Variants in ELAVL2 observed in about 807,000 individuals in gnomAD.
ELAVL2 encodes the protein ELAV like RNA binding protein 2, also known as ELAV-like protein 2.
A neutral mutation model predicts 34.6 loss-of-function variants in ELAVL2; 4 were observed. The observed-to-expected ratio is 0.12, with a 90% CI of 0.06 to 0.26. The LOEUF (loss-of-function observed/expected upper bound fraction) is 0.26, where lower values mean the gene tolerates loss of function less well. Among genes scored for constraint, ELAVL2 ranks in the 10% least tolerant of loss-of-function variants. The pLI is 1.00. For synonymous variants in ELAVL2, 193 were observed against 154.8 expected, an observed-to-expected ratio of 1.25 and a Z score of -1.83; for missense variants, 432 against 442.8, an observed-to-expected ratio of 0.98 and a Z score of 0.22.
At chr9:23,828,134 A>T (rs1276015327), upstream of ELAVL2, among the ~76,000 whole-genome samples, 1 of 152,176 alleles carries the variant, frequency 6.6e-6, no homozygotes, top group Non-Finnish European at 1.5e-5. Flanking sequence ...GAATAACAGA[A>T]GATTGGGTTT....
chr9:23,705,857 C>A (rs1481470048), intron 3 of ELAVL2, among the ~76,000 whole-genome samples: 1 of 152,128 alleles, frequency 6.6e-6, no homozygotes, highest in African/African-American at 2.4e-5. Context: ...GTTGGGAACA[C>A]CTGCTCTAGA....
chr9:23,703,415 A>C (rs1038067428), intron 4 of ELAVL2, among the ~76,000 whole-genome samples: 9 of 152,232 alleles, frequency 5.9e-5, no homozygotes, highest in Non-Finnish European at 4.4e-5. Flanking sequence ...TATAAGTATT[A>C]TGAATTAACT....
intron 1 of ELAVL2, among the ~76,000 whole-genome samples, chr9:23,802,617 C>T (rs1361530248): frequency 6.6e-6 from 1 of 152,208 alleles, no homozygotes. Context: ...CAGTGGTTCT[C>T]AAAGCATAGC....
chr9:23,716,920 T>C (rs760529647), intron 3 of ELAVL2, among the ~76,000 whole-genome samples: 2 of 151,990 alleles, frequency 1.3e-5, no homozygotes, highest in Non-Finnish European at 2.9e-5. Flanking sequence ...GAGGGCAGAG[T>C]CTAGAGACCT....
chr9:23,762,424 A>G lies in ELAVL2; in HGVS notation c.-15-175T>C, dbSNP rs574312338. Among the ~76,000 whole-genome samples the G allele has an allele frequency of 1.5e-3, 224 of 152,218 alleles. 1 individual carries two copies. Among genetic ancestry groups the G allele is most frequent in the African/African-American group, 5.2e-3 (218 of 41,546 alleles). On this transcript the variant is annotated intron_variant, in intron 1 of 6. Coordinates refer to ENST00000397312, the MANE Select transcript of ELAVL2 (RefSeq NM_004432.5). ...ATTTTCACTTCATATTAACCTATTC[A>G]TCTTAAGGTTACAACTATATTTTCA...
intron 3 of ELAVL2, among the ~76,000 whole-genome samples, chr9:23,725,374 C>T (rs1264885199): frequency 6.6e-6 from 1 of 152,292 alleles, no homozygotes; most frequent in East Asian, 1.9e-4. Flanking sequence ...TTTAAAACTT[C>T]CATGCCCTAC....
intron 2 of ELAVL2, among the ~76,000 whole-genome samples, chr9:23,747,987 C>T (rs962497804): frequency 1.3e-5 from 2 of 152,130 alleles, no homozygotes; most frequent in African/African-American, 4.8e-5. Context: ...AAATAGGCCA[C>T]AAACCACCTG....
chr9:23,773,289 CT>C (rs2057633938), intron 1 of ELAVL2, among the ~76,000 whole-genome samples: 1 of 152,302 alleles, frequency 6.6e-6, no homozygotes, highest in East Asian at 1.9e-4. Flanking sequence ...ACCTTATCCA[CT>C]TATATCCACA....
At chr9:23,813,480 T>A (rs2063298729) in intron 1 of ELAVL2, among the ~76,000 whole-genome samples, 1 of 149,770 alleles carries the variant, frequency 6.7e-6, no homozygotes. Context: ...ACATCAGCAA[T>A]GAGGTTAGCA....
At chr9:23,755,726 T>C (rs2053393950) in intron 2 of ELAVL2, among the ~76,000 whole-genome samples, 1 of 152,148 alleles carries the variant, frequency 6.6e-6, no homozygotes, top group African/African-American at 2.4e-5. Context: ...TCTCCTTTCC[T>C]ACAGACCTAA....
chr9:23,698,268 T>C (rs887033659), intron 5 of ELAVL2, among the ~76,000 whole-genome samples: 2 of 152,164 alleles, frequency 1.3e-5, no homozygotes, highest in African/African-American at 4.8e-5. Flanking sequence ...AATTACACCA[T>C]CCATCCAAAT....
chr9:23,710,873 C>T (rs1402086557), intron 3 of ELAVL2, among the ~76,000 whole-genome samples: 1 of 152,038 alleles, frequency 6.6e-6, no homozygotes, highest in African/African-American at 2.4e-5. Context: ...TACATCGGAC[C>T]TTCCAAAATG....
intron 1 of ELAVL2, chr9:23,765,032 A>G (rs1281533345): frequency 6.2e-7 from 1 of 1,609,496 alleles, no homozygotes; most frequent in South Asian, 1.1e-5. Context: ...TCTGCTGCCC[A>G]CGAACCACTT....
intron 1 of ELAVL2, among the ~76,000 whole-genome samples, chr9:23,766,483 C>A (rs2056281959): frequency 6.6e-6 from 1 of 152,098 alleles, no homozygotes; most frequent in African/African-American, 2.4e-5. Context: ...TTGCTCACTA[C>A]ATAAAACAGA....
At chr9:23,727,482 T>C (rs1443728696) in intron 3 of ELAVL2, among the ~76,000 whole-genome samples, 1 of 152,116 alleles carries the variant, frequency 6.6e-6, no homozygotes, top group African/African-American at 2.4e-5. Flanking sequence ...GGTAAAATGC[T>C]AGAAGACAAA....
At chr9:23,774,593 T>G (rs1240608321) in intron 1 of ELAVL2, among the ~76,000 whole-genome samples, 1 of 152,154 alleles carries the variant, frequency 6.6e-6, no homozygotes, top group Non-Finnish European at 1.5e-5. Context: ...GTACTTCACA[T>G]TAGAATTACA....
chr9:23,768,859 C>G (rs956198415), intron 1 of ELAVL2, among the ~76,000 whole-genome samples: 1 of 152,118 alleles, frequency 6.6e-6, no homozygotes, highest in Non-Finnish European at 1.5e-5. Flanking sequence ...CATTTAGAAG[C>G]ACATCATGAT....
chr9:23,816,424 T>C (rs917473050), intron 1 of ELAVL2, among the ~76,000 whole-genome samples: 17 of 149,084 alleles, frequency 1.1e-4, no homozygotes, highest in African/African-American at 3.9e-4. Flanking sequence ...CCTATTAACA[T>C]AGTCTTTAAA....
chr9:23,702,971 A>AAAAAC (rs2037921623), intron 4 of ELAVL2, among the ~76,000 whole-genome samples: 3 of 146,694 alleles, frequency 2.0e-5, no homozygotes, highest in African/African-American at 5.0e-5. Flanking sequence ...AAAAAAAAAA[A>AAAAAC]AAAAAAAAAA....
Sources: allele counts gnomAD v4.1 joint callset (sites outside exome capture counted in the v4.1 genomes callset), GRCh38; gene constraint gnomAD v4.1.1; transcripts MANE v1.5; gene names NCBI Gene and HGNC (gene_info 2026-07-23, HGNC 2026-07-21).